KIRREL3: variants seen among roughly 807,000 people sequenced by gnomAD.
KIRREL3 encodes the protein kirre like nephrin family adhesion molecule 3.
KIRREL3 carries 36 observed loss-of-function variants against 89.7 expected under a neutral mutation model. The ratio of observed to expected loss-of-function variants is 0.40; its 90% CI spans 0.31 to 0.53. The LOEUF is 0.53. KIRREL3 is among the 20% of genes least tolerant of loss of function. The pLI is 0.49. For synonymous variants in KIRREL3, 445 were observed against 441.4 expected (o/e 1.01, Z -0.10); for missense variants, 864 against 1,056.6 (o/e 0.82, Z 2.53).
intron 1 of KIRREL3, among the ~76,000 whole-genome samples, chr11:126,602,104 G>A (rs374102832): frequency 1.0e-3 from 156 of 152,242 alleles, no homozygotes; most frequent in African/African-American, 3.6e-3. Flanking sequence ...CTCCTTTCTC[G>A]CAAAACAAAG....
At position 126,611,131 on chromosome 11, in the gene KIRREL3, C is replaced by T. The variant is rs980044012; in HGVS notation, c.56-48219G>A. 5.3e-5 allele frequency among the ~76,000 whole-genome samples: 8 copies of T among 152,188 alleles called. No individual in the cohort carries two copies. The highest frequency in any genetic ancestry group is 1.2e-4 in the African/African-American group (5 of 41,440). Reference sequence around the variant, plus strand: ...GCTGTGTGACTTTGGGGAAGTTCCTCAACTGAAGTCACAAAGACCTAATCT... The same window carrying T: ...GCTGTGTGACTTTGGGGAAGTTCCTTAACTGAAGTCACAAAGACCTAATCT... On this transcript the variant is annotated intron_variant, in intron 1 of 16. Transcript: ENST00000525144. This position sits in a 1 kb window ranked among gnomAD's most constrained non-coding sequence, Gnocchi z 4.7.
At chr11:126,785,756 C>A (rs1950467597) in intron 1 of KIRREL3, among the ~76,000 whole-genome samples, 2 of 151,702 alleles carry the variant, frequency 1.3e-5, no homozygotes, top group South Asian at 4.2e-4. Context: ...CACCTGTAGT[C>A]CCAGCTACTT....
In KIRREL3 at chr11:126,896,064, G is replaced by T. The variant is rs1056107085; in HGVS notation, c.55+104391C>A. 9.2e-5 allele frequency among the ~76,000 whole-genome samples: 14 copies of T among 152,174 alleles called. 1 individual carries two copies. The highest frequency in any genetic ancestry group is 2.9e-4 in the African/African-American group (12 of 41,462). On this transcript the variant is annotated intron_variant, in intron 1 of 16. Coordinates refer to ENST00000525144, the MANE Select transcript of KIRREL3 (RefSeq NM_032531.4). The surrounding 1 kb of genome is among the most constrained non-coding windows in gnomAD (Gnocchi z 4.1). The stretch of plus-strand genomic sequence containing the variant: ...TCAAAGCACCTTCATCCCACTCAGG[G>T]ATTACATTTCTCTTACTTATCTTGC...
intron 1 of KIRREL3, among the ~76,000 whole-genome samples, chr11:126,790,487 G>T (rs530074525): frequency 6.6e-6 from 1 of 152,242 alleles, no homozygotes; most frequent in South Asian, 2.1e-4. Context: ...AACTCATGAG[G>T]TTATTGTAAG....
Position 126,490,203 on chromosome 11 carries a change from TG to T in KIRREL3, c.434-16738del, listed in dbSNP as rs1957473800. ...TTGCATTTGGCTTTGGAATGCATTG[TG>T]TGTGTGTGTGTGTGTGTGTGTGTGT... is the stretch of plus-strand genomic sequence containing the variant. On this transcript the variant is annotated intron_variant, in intron 4 of 16. Coordinates refer to ENST00000525144, the MANE Select transcript of KIRREL3 (RefSeq NM_032531.4). The surrounding 1 kb of genome is among the most constrained non-coding windows in gnomAD (Gnocchi z 4.2). Among the ~76,000 whole-genome samples, 2 of 12,536 alleles carry T rather than the reference TG, an allele frequency of 1.6e-4. No individual in the cohort carries two copies. Among genetic ancestry groups the T allele is most frequent in the African/African-American group, 3.1e-4 (2 of 6,518 alleles). The allele number at this position is 12,536 out of a possible 152,430, so 8.2% of individuals were successfully genotyped here.
In KIRREL3 at chr11:126,697,132, A is replaced by G. The variant is rs1376477025; in HGVS notation, c.56-134220T>C. ...CATGTTCCCCTCAGCCTCCTTGCAA[A>G]TGAAGGCTTAGTCACTTCCTCCGCT... On this transcript the variant is annotated intron_variant, in intron 1 of 16. Transcript: ENST00000525144. This position sits in a 1 kb window ranked among gnomAD's most constrained non-coding sequence, Gnocchi z 4.2. 6.6e-6 allele frequency among the ~76,000 whole-genome samples: 1 copy of G among 152,098 alleles called. No homozygotes were observed. Among genetic ancestry groups the G allele is most frequent in the Non-Finnish European group, 1.5e-5 (1 of 68,030 alleles).
rs1007116288 is a variant in KIRREL3, at chr11:126,883,895, C to T, written c.55+116560G>A. Among the ~76,000 whole-genome samples the T allele has an allele frequency of 6.6e-6, 1 of 152,096 alleles. No individual in the cohort carries two copies. Among genetic ancestry groups the T allele is most frequent in the Non-Finnish European group, 1.5e-5 (1 of 68,018 alleles). On this transcript the variant is annotated intron_variant, in intron 1 of 16. Coordinates refer to ENST00000525144, the MANE Select transcript of KIRREL3 (RefSeq NM_032531.4). This position sits in a 1 kb window ranked among gnomAD's most constrained non-coding sequence, Gnocchi z 4.1. ...AGAGGTGGAGACATAGGTTTTGAAT[C>T]GATACAAAGAACTTTCTGATCACTG... is the stretch of plus-strand genomic sequence containing the variant.
In KIRREL3 at chr11:126,987,046, T is replaced by C. The variant is rs1259297480; in HGVS notation, c.55+13409A>G. ...ACTGGGGTCCAAAAATGGGGATTTCTAACAATCTCCAAGTTGACCTGCAGA... is the reference window on the plus strand; with the variant it reads ...ACTGGGGTCCAAAAATGGGGATTTCCAACAATCTCCAAGTTGACCTGCAGA... On this transcript the variant is annotated intron_variant, in intron 1 of 16. Transcript: ENST00000525144. This position sits in a 1 kb window ranked among gnomAD's most constrained non-coding sequence, Gnocchi z 4.6. Among the ~76,000 whole-genome samples, 2 of 152,200 alleles carry C rather than the reference T, an allele frequency of 1.3e-5. No individual in the cohort carries two copies. The highest frequency in any genetic ancestry group is 2.9e-5 in the Non-Finnish European group (2 of 68,040).
chr11:126,450,474 CAT>C (rs1199938326), intron 7 of KIRREL3, among the ~76,000 whole-genome samples: 3 of 130,354 alleles, frequency 2.3e-5, no homozygotes, highest in African/African-American at 3.1e-5. Flanking sequence ...TGAATGTGTG[CAT>C]GTGTGTGGGT....
rs1943927889 is a variant in KIRREL3 at position 126,840,517 on chromosome 11, A to G, written c.55+159938T>C. Among the ~76,000 whole-genome samples, 7 of 152,096 alleles carry G rather than the reference A, an allele frequency of 4.6e-5. No individual in the cohort carries two copies. In the South Asian group the frequency reaches 1.5e-3, roughly 32 times the overall value. ...TCCAAAAGGCCACGCTTTCCCACCT[A>G]CACATATTAGTCCCCCTTCATCCAA... is the stretch of plus-strand genomic sequence containing the variant. On this transcript the variant is annotated intron_variant, in intron 1 of 16. Transcript: ENST00000525144.
chr11:126,960,213 G>C (rs1949044263), intron 1 of KIRREL3, among the ~76,000 whole-genome samples: 1 of 152,058 alleles, frequency 6.6e-6, no homozygotes, highest in African/African-American at 2.4e-5. Flanking sequence ...ATAAATAAAA[G>C]GCAAATTCTC....
At chr11:126,538,246 G>T (rs556108709) in intron 2 of KIRREL3, among the ~76,000 whole-genome samples, 15 of 152,338 alleles carry the variant, frequency 9.8e-5, no homozygotes, top group East Asian at 7.7e-4. Flanking sequence ...GTCACCATCT[G>T]CCTTTTATTA....
rs1946781381 is a variant in KIRREL3, at chr11:126,689,081, A to AGAGT, written c.56-126170_56-126169insACTC. ...GAGAGAGAGAGAGAGAGAGAGAGAG[A>AGAGT]GTATTGTAATAACGTATTGAGCATG... On this transcript the variant is annotated intron_variant, in intron 1 of 16. Coordinates refer to ENST00000525144, the MANE Select transcript of KIRREL3 (RefSeq NM_032531.4). This position sits in a 1 kb window ranked among gnomAD's most constrained non-coding sequence, Gnocchi z 5.2. Among the ~76,000 whole-genome samples the AGAGT allele has an allele frequency of 6.7e-6, 1 of 149,294 alleles. No individual in the cohort carries two copies. Among genetic ancestry groups the AGAGT allele is most frequent in the Non-Finnish European group, 1.5e-5 (1 of 67,270 alleles).
chr11:126,686,919 T>C lies in KIRREL3; in HGVS notation c.56-124007A>G, dbSNP rs998597871. ...GAAACATAAGAAGGAGTTATCCAGA[T>C]GATAAGAGGGGAAGGAAGGTCACAT... On this transcript the variant is annotated intron_variant, in intron 1 of 16. Transcript: ENST00000525144. This position sits in a 1 kb window ranked among gnomAD's most constrained non-coding sequence, Gnocchi z 4.7. Among the ~76,000 whole-genome samples the C allele has an allele frequency of 1.4e-4, 21 of 152,076 alleles. No individual in the cohort carries two copies. Among genetic ancestry groups the C allele is most frequent in the African/African-American group, 4.6e-4 (19 of 41,388 alleles).
At position 126,734,114 on chromosome 11, in the gene KIRREL3, C is replaced by T. The variant is rs902964334; in HGVS notation, c.56-171202G>A. 1.3e-5 allele frequency among the ~76,000 whole-genome samples: 2 copies of T among 152,160 alleles called. No individual in the cohort carries two copies. Among genetic ancestry groups the T allele is most frequent in the African/African-American group, 4.8e-5 (2 of 41,450 alleles). Reference sequence around the variant, plus strand: ...CAGAAGCTGCATTAGAACAAGATCCCTAGGTGGTTTGTTTGAACACTGGAG... The same window carrying T: ...CAGAAGCTGCATTAGAACAAGATCCTTAGGTGGTTTGTTTGAACACTGGAG... On this transcript the variant is annotated intron_variant, in intron 1 of 16. Transcript: ENST00000525144. The surrounding 1 kb of genome is among the most constrained non-coding windows in gnomAD (Gnocchi z 5.9).
At chr11:126,712,091 C>T (rs1947780651) in intron 1 of KIRREL3, among the ~76,000 whole-genome samples, 1 of 152,214 alleles carries the variant, frequency 6.6e-6, no homozygotes, top group African/African-American at 2.4e-5. Context: ...ATGAAAGATG[C>T]CAGGAACAGG....
At position 126,900,922 on chromosome 11, in the gene KIRREL3, G is replaced by A. The variant is rs1946344826; in HGVS notation, c.55+99533C>T. Among the ~76,000 whole-genome samples the A allele has an allele frequency of 6.6e-6, 1 of 152,066 alleles. No homozygotes were observed. Among genetic ancestry groups the A allele is most frequent in the African/African-American group, 2.4e-5 (1 of 41,416 alleles). ...TAGGAAAAAAGGGAAAGTTGGAAGG[G>A]GAGGATAGAAAGATAGGAACCTGAA... On this transcript the variant is annotated intron_variant, in intron 1 of 16. Coordinates refer to ENST00000525144, the MANE Select transcript of KIRREL3 (RefSeq NM_032531.4). This position sits in a 1 kb window ranked among gnomAD's most constrained non-coding sequence, Gnocchi z 4.4.
rs1482211873 is a variant in KIRREL3, at chr11:126,432,125, C to T, written c.1589-599G>A. Among the ~76,000 whole-genome samples the T allele has an allele frequency of 6.6e-6, 1 of 152,104 alleles. No homozygotes were observed. Among genetic ancestry groups the T allele is most frequent in the Non-Finnish European group, 1.5e-5 (1 of 68,012 alleles). ...TCTCAGGGTCCAGGGAGCAGGGTTA[C>T]AGCTTCTCCACTGCCACCTCTCTAA... is the stretch of plus-strand genomic sequence containing the variant. On this transcript the variant is annotated intron_variant, in intron 13 of 16. Transcript: ENST00000525144. The surrounding 1 kb of genome is among the most constrained non-coding windows in gnomAD (Gnocchi z 6.2).
At position 126,786,301 on chromosome 11, in the gene KIRREL3, C is replaced by T. The variant is rs879768298; in HGVS notation, c.55+214154G>A. 3.9e-5 allele frequency among the ~76,000 whole-genome samples: 6 copies of T among 152,114 alleles called. No homozygotes were observed. The East Asian group carries it at 9.6e-4, about 24-fold the overall frequency. ...AGAAAAAGACTCAAAGGAAATTCAC[C>T]GAAATGCTAATAGTGTTTGTATTAG... On this transcript the variant is annotated intron_variant, in intron 1 of 16. Coordinates refer to ENST00000525144, the MANE Select transcript of KIRREL3 (RefSeq NM_032531.4).
Sources: gnomAD v4.1 joint callset for allele counts (sites outside exome capture counted in the v4.1 genomes callset) on GRCh38, gnomAD v4.1.1 for gene constraint, Gnocchi (gnomAD v3.1) non-coding constraint, MANE v1.5 for transcripts, NCBI Gene and HGNC (gene_info 2026-07-23, HGNC 2026-07-21) for gene names.